Variants in PDE8A observed in about 807,000 individuals in gnomAD.
PDE8A encodes phosphodiesterase 8A.
In PDE8A, 59 loss-of-function variants were observed where a neutral mutation model predicts 105.0. That is an observed-to-expected ratio of 0.56 (90% CI 0.46 to 0.70). The LOEUF is 0.70. Ranked by LOEUF, PDE8A falls within the 30% of genes least tolerant of loss-of-function variation. The probability of loss-of-function intolerance (pLI) is 0.00; values close to 1 mark genes in which losing one functional copy is unlikely to be tolerated. For missense variants in PDE8A, 1,014 were observed against 1,045.9 expected, an observed-to-expected ratio of 0.97 and a Z score of 0.42; for synonymous variants, 355 against 371.9, an observed-to-expected ratio of 0.95 and a Z score of 0.52.
At chr15:84,993,453 A>AAG (rs1280726044) in intron 1 of PDE8A, among the ~76,000 whole-genome samples, 2 of 151,424 alleles carry the variant, frequency 1.3e-5, no homozygotes, top group African/African-American at 2.4e-5. Flanking sequence ...AAAAAAAAAA[A>AAG]AAAAAAAAAA....
At chr15:85,095,905 T>A (rs1210731939) in intron 8 of PDE8A, among the ~76,000 whole-genome samples, 2 of 150,970 alleles carry the variant, frequency 1.3e-5, no homozygotes, top group Non-Finnish European at 3.0e-5. Context: ...TTTGTTTTTG[T>A]TTTTGTTTTT....
At chr15:85,073,295 C>T (rs115294217) in intron 3 of PDE8A, among the ~76,000 whole-genome samples, 3,818 of 152,240 alleles carry the variant, frequency 0.025, 163 homozygotes, top group African/African-American at 0.086. Context: ...AATTCCAATG[C>T]AAGGATGTTA....
chr15:85,013,788 T>G (rs1486846903), intron 1 of PDE8A, among the ~76,000 whole-genome samples: 1 of 152,176 alleles, frequency 6.6e-6, no homozygotes, highest in Non-Finnish European at 1.5e-5. Context: ...GTTGGCTGGG[T>G]CTTTGGTCAT....
chr15:84,993,065 C>G (rs146301054), intron 1 of PDE8A, among the ~76,000 whole-genome samples: 17 of 152,280 alleles, frequency 1.1e-4, no homozygotes, highest in African/African-American at 4.1e-4. Flanking sequence ...TCTTTTGGTT[C>G]TGAGTTCATC....
At chr15:84,987,294 A>T (rs1269153217) in intron 1 of PDE8A, among the ~76,000 whole-genome samples, 1 of 152,176 alleles carries the variant, frequency 6.6e-6, no homozygotes, top group Non-Finnish European at 1.5e-5. Flanking sequence ...TTCTTAAGAT[A>T]GACATTGTCA....
intron 6 of PDE8A, among the ~76,000 whole-genome samples, chr15:85,087,383 T>C (rs1055800482): frequency 2.0e-5 from 3 of 152,110 alleles, no homozygotes; most frequent in African/African-American, 7.2e-5. Context: ...TTATTTTTTG[T>C]AGAGACAGGG....
At chr15:85,013,545 G>A (rs925933324) in intron 1 of PDE8A, among the ~76,000 whole-genome samples, 3 of 152,134 alleles carry the variant, frequency 2.0e-5, no homozygotes, top group African/African-American at 7.2e-5. Flanking sequence ...TGTGTTTAAA[G>A]GATTGTCTGT....
intron 11 of PDE8A, among the ~76,000 whole-genome samples, chr15:85,102,820 C>T (rs1003576265): frequency 3.9e-5 from 5 of 129,276 alleles, no homozygotes; most frequent in African/African-American, 1.5e-4. Flanking sequence ...GCCTGGGCTA[C>T]AAGAGTGAAA....
At chr15:85,077,591 C>A (rs1166096263) in intron 5 of PDE8A, among the ~76,000 whole-genome samples, 5 of 152,130 alleles carry the variant, frequency 3.3e-5, no homozygotes, top group African/African-American at 9.7e-5. Context: ...TGCTCAAGGG[C>A]AGCCGGCAGC....
intron 1 of PDE8A, among the ~76,000 whole-genome samples, chr15:85,054,046 A>G (rs1243065646): frequency 1.3e-5 from 2 of 152,182 alleles, no homozygotes; most frequent in South Asian, 2.1e-4. Flanking sequence ...GAATTTTGTC[A>G]AAGGCCTTTT....
At chr15:84,999,998 A>G (rs1346249729) in intron 1 of PDE8A, among the ~76,000 whole-genome samples, 1 of 152,230 alleles carries the variant, frequency 6.6e-6, no homozygotes, top group Admixed American at 6.5e-5. Flanking sequence ...GCTGCAATAC[A>G]GTTAAAAAGA....
chr15:84,980,977 C>G (rs1044309428), upstream of PDE8A, among the ~76,000 whole-genome samples: 2 of 152,214 alleles, frequency 1.3e-5, no homozygotes, highest in African/African-American at 4.8e-5. Context: ...ACGCCCAGGC[C>G]CCACCCACCC....
At chr15:85,039,036 G>A (rs2080756262) in intron 1 of PDE8A, among the ~76,000 whole-genome samples, 2 of 151,816 alleles carry the variant, frequency 1.3e-5, no homozygotes, top group Admixed American at 1.3e-4. Context: ...CAGGAGAATT[G>A]CTTGAACTCG....
chr15:85,134,331 G>A (rs1183811145), intron 20 of PDE8A, among the ~76,000 whole-genome samples: 1 of 152,190 alleles, frequency 6.6e-6, no homozygotes, highest in Non-Finnish European at 1.5e-5. Flanking sequence ...CCAAGGGAGG[G>A]CACATCAGGA....
intron 1 of PDE8A, among the ~76,000 whole-genome samples, chr15:85,014,416 G>A (rs2080290431): frequency 6.6e-6 from 1 of 152,148 alleles, no homozygotes; most frequent in Non-Finnish European, 1.5e-5. Context: ...TCTATAAAGA[G>A]AAGCTCCTCT....
chr15:85,063,609 A>C (rs1465325724), intron 1 of PDE8A: 1 of 152,158 alleles, frequency 6.6e-6, no homozygotes, highest in African/African-American at 2.4e-5. Context: ...CAGCACTACC[A>C]CTTGCTGTGT....
chr15:85,133,503 G>A (rs1388105082), intron 20 of PDE8A, among the ~76,000 whole-genome samples: 2 of 152,208 alleles, frequency 1.3e-5, no homozygotes, highest in African/African-American at 2.4e-5. Context: ...GCAAGGTTGA[G>A]TGAAAATACC....
intron 1 of PDE8A, among the ~76,000 whole-genome samples, chr15:85,056,191 T>C (rs1390122286): frequency 6.6e-6 from 1 of 152,256 alleles, no homozygotes; most frequent in African/African-American, 2.4e-5. Flanking sequence ...GTTAGTCTGA[T>C]GGGCTTCCCT....
chr15:85,020,284 A>G lies in PDE8A; in HGVS notation c.186+37936A>G, dbSNP rs553510695. ...TTGTGGTTTTGGCGAGTTTTTCCTC[A>G]TACTTCTCACAGCTCTGGGCATTAA... On this transcript the variant is annotated intron_variant, in intron 1 of 21. Coordinates refer to ENST00000394553, the MANE Select transcript of PDE8A (RefSeq NM_002605.3). Among the ~76,000 whole-genome samples, 15 of 152,194 alleles carry G rather than the reference A, an allele frequency of 9.9e-5. 1 individual carries two copies. In the South Asian group the frequency reaches 2.9e-3, roughly 29 times the overall value.
Sources: gnomAD v4.1 joint callset for allele counts (sites outside exome capture counted in the v4.1 genomes callset) on GRCh38, gnomAD v4.1.1 for gene constraint, MANE v1.5 for transcripts, NCBI Gene and HGNC (gene_info 2026-07-23, HGNC 2026-07-21) for gene names.